The following TSHZ1 variants were observed in gnomAD, a reference collection of about 807,000 sequenced individuals.
The protein encoded by TSHZ1 is teashirt zinc finger homeobox 1, also known as teashirt homolog 1.
In TSHZ1, 12 loss-of-function variants were observed where a neutral mutation model predicts 67.1. The observed-to-expected ratio is 0.18, with a 90% confidence interval of 0.11 to 0.29. The LOEUF is 0.29. TSHZ1 is among the 10% of genes least tolerant of loss of function. The pLI, the probability that TSHZ1 is intolerant of heterozygous loss-of-function variation, is 1.00. For synonymous variants in TSHZ1, 632 were observed against 622.4 expected, an observed-to-expected ratio of 1.02 and a Z score of -0.23; for missense variants, 1,305 against 1,413.9, an observed-to-expected ratio of 0.92 and a Z score of 1.23.
rs189881577 is a variant in TSHZ1 at position 75,246,350 on chromosome 18, C to T, written c.40+34434C>T. On this transcript the variant is annotated intron_variant, in intron 1 of 1. Transcript: ENST00000580243. ...TCTCATCTCAGGGCAGTGGGGATGA[C>T]GATGGGGGCCTTGGTTCTCTGTTCA... 1.0e-4 allele frequency among the ~76,000 whole-genome samples: 15 copies of T among 148,526 alleles called. 1 individual carries two copies. Among genetic ancestry groups the T allele is most frequent in the Admixed American group, 9.4e-4 (14 of 14,838 alleles).
intron 1 of TSHZ1, among the ~76,000 whole-genome samples, chr18:75,254,106 C>G (rs1379589168): frequency 6.6e-6 from 1 of 152,148 alleles, no homozygotes; most frequent in Non-Finnish European, 1.5e-5. Flanking sequence ...TCCCCTTTTT[C>G]ATGCTTCTGT....
intron 1 of TSHZ1, among the ~76,000 whole-genome samples, chr18:75,231,333 T>C (rs2022996026): frequency 6.6e-6 from 1 of 152,230 alleles, no homozygotes; most frequent in Non-Finnish European, 1.5e-5. Context: ...GCCTGGGGCA[T>C]GGTCCTTCGG....
chr18:75,223,048 T>C (rs2639986), intron 1 of TSHZ1, among the ~76,000 whole-genome samples: 140,251 of 152,174 alleles, frequency 0.92, 65,783 homozygotes, highest in East Asian at 1. Flanking sequence ...CCTCCCTGCC[T>C]CCCAGCACTG....
At chr18:75,257,375 AAAC>A (rs966551740) in intron 1 of TSHZ1, among the ~76,000 whole-genome samples, 5 of 152,212 alleles carry the variant, frequency 3.3e-5, no homozygotes, top group African/African-American at 1.2e-4. Flanking sequence ...CCAAAACAAA[AAAC>A]AAAAAACCCA....
At chr18:75,268,751 G>A (rs2023522403) in intron 1 of TSHZ1, among the ~76,000 whole-genome samples, 1 of 152,172 alleles carries the variant, frequency 6.6e-6, no homozygotes, top group Non-Finnish European at 1.5e-5. Flanking sequence ...CCATTTGCTG[G>A]TTTTCTGATC....
At chr18:75,220,242 G>A (rs566002648) in intron 1 of TSHZ1, among the ~76,000 whole-genome samples, 7 of 152,282 alleles carry the variant, frequency 4.6e-5, no homozygotes, top group Non-Finnish European at 7.3e-5. Flanking sequence ...ATTTTTTTGC[G>A]TGTGTGCCTA....
At chr18:75,218,819 G>A (rs2022807297) in intron 1 of TSHZ1, among the ~76,000 whole-genome samples, 1 of 152,254 alleles carries the variant, frequency 6.6e-6, no homozygotes, top group African/African-American at 2.4e-5. Context: ...CTTTCTTAGG[G>A]ATGAGGCGGA....
chr18:75,285,229 C>T (rs888893505), intron 1 of TSHZ1: 3 of 416,192 alleles, frequency 7.2e-6, no homozygotes, highest in Non-Finnish European at 1.2e-5. Flanking sequence ...AGGACATCAT[C>T]CTCCAGCTCA....
chr18:75,230,727 G>A (rs934049020), intron 1 of TSHZ1, among the ~76,000 whole-genome samples: 7 of 152,138 alleles, frequency 4.6e-5, no homozygotes, highest in Non-Finnish European at 8.8e-5. Flanking sequence ...CTTCTTCCCC[G>A]ATTCCCCTGA....
chr18:75,251,243 A>G (rs1274010452), intron 1 of TSHZ1, among the ~76,000 whole-genome samples: 2 of 152,206 alleles, frequency 1.3e-5, no homozygotes, highest in Non-Finnish European at 2.9e-5. Flanking sequence ...AAAATTGGAA[A>G]AACACAGAAA....
At chr18:75,272,137 A>G (rs1186215100) in intron 1 of TSHZ1, among the ~76,000 whole-genome samples, 1 of 152,172 alleles carries the variant, frequency 6.6e-6, no homozygotes, top group Non-Finnish European at 1.5e-5. Flanking sequence ...GGGGGCATAG[A>G]CCGATTCATC....
At position 75,287,028 on chromosome 18, in the gene TSHZ1, C is replaced by A; in HGVS notation, c.1621C>A (p.Leu541Met). The A allele has an allele frequency of 6.2e-7, 1 of 1,614,024 alleles. No individual in the cohort carries two copies. The highest frequency in any genetic ancestry group is 8.5e-7 in the Non-Finnish European group (1 of 1,180,008). ...TLYPYLREED[L>M]DDSPKGGLDI... ...GTACCCGTACCTGCGTGAGGAGGAC[C>A]TGGACGACAGCCCCAAGGGAGGGCT... is the stretch of plus-strand genomic sequence containing the variant. The change falls in exon 2 of 2, where the codon CTG becomes ATG. Residue 541 changes from leucine to methionine, a missense_variant. Physicochemically the swap from Leu to Met is conservative, Grantham distance 15 (BLOSUM62 2). Transcript: ENST00000580243. The surrounding 1 kb of genome is among the most constrained non-coding windows in gnomAD (Gnocchi z 5.0).
At chr18:75,239,189 G>T (rs906182559) in intron 1 of TSHZ1, among the ~76,000 whole-genome samples, 2 of 152,250 alleles carry the variant, frequency 1.3e-5, no homozygotes, top group African/African-American at 4.8e-5. Flanking sequence ...CAGGCCAGGG[G>T]CCCTGAGGCT....
At chr18:75,275,892 C>T (rs1321836169) in intron 1 of TSHZ1, among the ~76,000 whole-genome samples, 2 of 152,234 alleles carry the variant, frequency 1.3e-5, no homozygotes, top group Non-Finnish European at 2.9e-5. Flanking sequence ...AGAAGTGTCA[C>T]TTGCTTTTTG....
intron 1 of TSHZ1, among the ~76,000 whole-genome samples, chr18:75,255,452 CTT>C (rs1486118009): frequency 2.6e-5 from 4 of 152,158 alleles, no homozygotes; most frequent in Non-Finnish European, 5.9e-5. Context: ...CAGGTAATAA[CTT>C]ATATCTTCTA....
In TSHZ1 at chr18:75,281,837, G is replaced by GAGCCCGAACCTGTGGGGGCCC. The variant is rs1387653798; in HGVS notation, c.41-3606_41-3586dup. Among the ~76,000 whole-genome samples the GAGCCCGAACCTGTGGGGGCCC allele has an allele frequency of 6.6e-6, 1 of 152,078 alleles. No homozygotes were observed. Among genetic ancestry groups the GAGCCCGAACCTGTGGGGGCCC allele is most frequent in the East Asian group, 1.9e-4 (1 of 5,176 alleles). On this transcript the variant is annotated intron_variant, in intron 1 of 1. Coordinates refer to ENST00000580243, the MANE Select transcript of TSHZ1 (RefSeq NM_001308210.2). The surrounding 1 kb of genome is among the most constrained non-coding windows in gnomAD (Gnocchi z 5.3). ...GGGGCATGCTAGGTGCGGGCAGGGA[G>GAGCCCGAACCTGTGGGGGCCC]AGCCCGAACCTGTGGGGGCCCAGCC...
intron 1 of TSHZ1, among the ~76,000 whole-genome samples, chr18:75,215,248 G>T (rs1599366739): frequency 6.6e-6 from 1 of 152,232 alleles, no homozygotes; most frequent in Non-Finnish European, 1.5e-5. Flanking sequence ...ATGCAGAATA[G>T]ATCTGTACCA....
chr18:75,285,650 C>T lies in TSHZ1; in HGVS notation c.243C>T (p.Ser81=), dbSNP rs1167554638. 4 of 1,613,776 alleles carry T rather than the reference C, an allele frequency of 2.5e-6. No individual in the cohort carries two copies. Among genetic ancestry groups the T allele is most frequent in the Admixed American group, 3.3e-5 (2 of 59,988 alleles). Residue 81 remains serine, a synonymous_variant, in exon 2 of 2, where the codon AGC becomes AGT. Transcript: ENST00000580243. The stretch of plus-strand genomic sequence containing the variant: ...GCTACGGGTCGCCCTTCAGTGAGAG[C>T]AGCGACCAGCTAGCCCATTTCAAAG... ...DAGYGSPFSE[S]SDQLAHFKGS... is the part of the protein sequence containing the mutation.
chr18:75,256,132 T>C (rs2023359441), intron 1 of TSHZ1, among the ~76,000 whole-genome samples: 1 of 152,226 alleles, frequency 6.6e-6, no homozygotes, highest in South Asian at 2.1e-4. Context: ...GAAGATCTAT[T>C]ATCAATGTAA....
Sources: allele counts gnomAD v4.1 joint callset (sites outside exome capture counted in the v4.1 genomes callset), GRCh38; gene constraint gnomAD v4.1.1; non-coding constraint Gnocchi (gnomAD v3.1); transcripts MANE v1.5; gene names NCBI Gene and HGNC (gene_info 2026-07-23, HGNC 2026-07-21).